Variants in CDK8 observed in about 807,000 individuals in gnomAD.
CDK8 encodes the protein cyclin dependent kinase 8, also known as cyclin-dependent kinase 8.
A neutral mutation model predicts 71.5 loss-of-function variants in CDK8; 29 were observed. The ratio of observed to expected loss-of-function variants is 0.41; its 90% CI spans 0.30 to 0.55. The LOEUF is 0.55. Among genes scored for constraint, CDK8 ranks in the 20% least tolerant of loss-of-function variants. CDK8 has a pLI of 0.37. For synonymous variants in CDK8, 161 were observed against 192.1 expected (o/e 0.84, Z 1.34); for missense variants, 288 against 572.6 (o/e 0.50, Z 5.07).
intron 1 of CDK8, among the ~76,000 whole-genome samples, chr13:26,295,675 G>T (rs1873523798): frequency 6.6e-6 from 1 of 152,142 alleles, no homozygotes; most frequent in Admixed American, 6.5e-5. Context: ...ATCTTTCTGG[G>T]CAGGAGTTCC....
chr13:26,327,041 T>C lies in CDK8; in HGVS notation c.129-10526T>C, dbSNP rs118071231. 2.9e-4 allele frequency among the ~76,000 whole-genome samples: 44 copies of C among 152,298 alleles called. No individual in the cohort carries two copies. The East Asian group carries it at 5.8e-3, about 20-fold the overall frequency. On this transcript the variant is annotated intron_variant, in intron 1 of 12. Coordinates refer to ENST00000381527, the MANE Select transcript of CDK8 (RefSeq NM_001260.3). The stretch of plus-strand genomic sequence containing the variant: ...TTAGTTTCTATCATCAAGTGTACCT[T>C]GATTGTCCATGATTAATAAGGATAC...
rs551569316 is a variant in CDK8, at chr13:26,359,425, A to T, written c.456+5545A>T. 1.9e-5 allele frequency: 3 copies of T among 156,666 alleles called. No individual in the cohort carries two copies. The Admixed American group carries it at 2.0e-4, about 10-fold the overall frequency. The allele number at this position is 156,666 out of a possible 1,614,324, so 9.7% of individuals were successfully genotyped here. Reference sequence around the variant, plus strand: ...GTTTAAGTGATTCATAATAAGGAAAAGTTTGAAGTCTGCTAGCCTGATTGG... The same window carrying T: ...GTTTAAGTGATTCATAATAAGGAAATGTTTGAAGTCTGCTAGCCTGATTGG... On this transcript the variant is annotated intron_variant, in intron 4 of 12. Transcript: ENST00000381527.
At chr13:26,372,002 A>C (rs776638425) in intron 4 of CDK8, among the ~76,000 whole-genome samples, 26 of 152,300 alleles carry the variant, frequency 1.7e-4, no homozygotes, top group Admixed American at 1.1e-3. Flanking sequence ...CATGTAATTT[A>C]ATAGGTTACG....
At chr13:26,290,802 A>AAAAC (rs140228827) in intron 1 of CDK8, among the ~76,000 whole-genome samples, 4 of 152,038 alleles carry the variant, frequency 2.6e-5, no homozygotes, top group African/African-American at 4.8e-5. Context: ...TGGTTTGCAA[A>AAAAC]AAACAAACAA....
chr13:26,268,197 A>G (rs1283550497), intron 1 of CDK8, among the ~76,000 whole-genome samples: 1 of 151,824 alleles, frequency 6.6e-6, no homozygotes, highest in Admixed American at 6.6e-5. Context: ...GGGGTTAAAT[A>G]CATTGTAAAG....
intron 4 of CDK8, among the ~76,000 whole-genome samples, chr13:26,363,913 G>A (rs1319243497): frequency 6.6e-6 from 1 of 152,062 alleles, no homozygotes; most frequent in African/African-American, 2.4e-5. Context: ...AATTATTAAG[G>A]CATTTTGGGT....
rs148455291 is a variant in CDK8 at position 26,400,267 on chromosome 13, G to A, written c.934-186G>A. 2.8e-3 allele frequency: 1,539 copies of A among 546,174 alleles called. 5 individuals carry two copies. The highest frequency in any genetic ancestry group is 4.2e-3 in the Non-Finnish European group (1,286 of 308,008). 33.8% of individuals were successfully genotyped at this position (546,174 alleles called of 1,614,324 possible). A position where few individuals can be genotyped will look rare whatever the true frequency, so the allele number is the denominator to read the frequency against. On this transcript the variant is annotated intron_variant, in intron 9 of 12. Transcript: ENST00000381527. ...GTAAAACAAGTGAGATTATGAAACT[G>A]GAATGACTAAAGTGTGAATTACTAC...
At chr13:26,393,315 C>CT in intron 6 of CDK8, 52 bp from the exon 7 acceptor site, 3 of 1,227,056 alleles carry the variant, frequency 2.4e-6, no homozygotes, top group Non-Finnish European at 3.4e-6. Flanking sequence ...CTTTCTTTTT[C>CT]TTTTTTCCTT....
chr13:26,299,920 T>A (rs1056667655), intron 1 of CDK8, among the ~76,000 whole-genome samples: 1 of 152,196 alleles, frequency 6.6e-6, no homozygotes, highest in Non-Finnish European at 1.5e-5. Flanking sequence ...ACTAATTTTT[T>A]AAAACAATTC....
At chr13:26,261,170 C>T (rs1428279783) in intron 1 of CDK8, among the ~76,000 whole-genome samples, 5 of 152,130 alleles carry the variant, frequency 3.3e-5, no homozygotes, top group African/African-American at 1.2e-4. Flanking sequence ...TATCATGATT[C>T]TGAATATTCT....
At chr13:26,362,970 ATATAC>A (rs1168676417) in intron 4 of CDK8, among the ~76,000 whole-genome samples, 2 of 149,016 alleles carry the variant, frequency 1.3e-5, no homozygotes, top group African/African-American at 2.5e-5. Flanking sequence ...GTTGAGTGAG[ATATAC>A]TATAACTTTT....
Position 26,349,130 on chromosome 13 carries a change from A to T in CDK8, c.263A>T (p.His88Leu), listed in dbSNP as rs758981665. ...VISLQKVFLS[H>L]ADRKVWLLFD... ...TCTCTTCAAAAGGTGTTTCTGTCTC[A>T]TGCTGATAGGAAGGTGTGGCTTCTG... Residue 88 changes from histidine to leucine, a missense_variant, in exon 3 of 13, where the codon CAT (histidine) becomes CTT (leucine). By Grantham distance (99) the His-to-Leu change is moderately conservative. This residue lies in a region of CDK8 where 95 missense variants were observed against 177.3 expected (regional missense o/e 0.54). Transcript: ENST00000381527. 6.2e-7 allele frequency: 1 copy of T among 1,613,658 alleles called. No homozygotes were observed. Among genetic ancestry groups the T allele is most frequent in the South Asian group, 1.1e-5 (1 of 91,020 alleles).
chr13:26,403,390 A>G (rs536594926), intron 12 of CDK8, among the ~76,000 whole-genome samples: 26 of 152,116 alleles, frequency 1.7e-4, no homozygotes, highest in Non-Finnish European at 1.9e-4. Context: ...GTGCATGCCT[A>G]TAATCCTAGC....
chr13:26,298,717 A>G (rs1873679117), intron 1 of CDK8, among the ~76,000 whole-genome samples: 2 of 152,086 alleles, frequency 1.3e-5, no homozygotes, highest in Non-Finnish European at 2.9e-5. Context: ...TGAGGTCTCT[A>G]CTCCTGTCTG....
At position 26,337,664 on chromosome 13, in the gene CDK8, A is replaced by G. The variant is rs528108046; in HGVS notation, c.204+22A>G. 2.9e-5 allele frequency: 34 copies of G among 1,192,116 alleles called. 2 individuals are homozygous for G. The South Asian group carries it at 6.7e-4, about 24-fold the overall frequency. 73.8% of individuals were successfully genotyped at this position (1,192,116 alleles called of 1,614,324 possible). A position where few individuals can be genotyped will look rare whatever the true frequency, so the allele number is the denominator to read the frequency against. On this transcript the variant is annotated intron_variant, in intron 2 of 12. Coordinates refer to ENST00000381527, the MANE Select transcript of CDK8 (RefSeq NM_001260.3). ...AGCAGTAAGTGAAGTTCTTTTTATCATCGTTATTATCAACTGACTTATGAG... is the reference window on the plus strand; with the variant it reads ...AGCAGTAAGTGAAGTTCTTTTTATCGTCGTTATTATCAACTGACTTATGAG...
At chr13:26,330,132 A>G (rs1325410363) in intron 1 of CDK8, among the ~76,000 whole-genome samples, 1 of 152,192 alleles carries the variant, frequency 6.6e-6, no homozygotes, top group African/African-American at 2.4e-5. Context: ...GGAATTCTGG[A>G]TGTCTATCAT....
chr13:26,373,510 G>T (rs1193405032), intron 4 of CDK8, among the ~76,000 whole-genome samples: 1 of 152,038 alleles, frequency 6.6e-6, no homozygotes, highest in African/African-American at 2.4e-5. Context: ...ATATTATAAA[G>T]AATGGTGCAA....
rs749575359 is a variant in CDK8, at chr13:26,393,528, T to C, written c.790+18T>C. 1 of 1,610,660 alleles carries C rather than the reference T, an allele frequency of 6.2e-7. No homozygotes were observed. Among genetic ancestry groups the C allele is most frequent in the Non-Finnish European group, 8.5e-7 (1 of 1,178,502 alleles). Reference sequence around the variant, plus strand: ...TCCTGCAGGTACACATTATTCGTTTTTGTTTTTGTTTTTAAATCACTGTTG... The same window carrying C: ...TCCTGCAGGTACACATTATTCGTTTCTGTTTTTGTTTTTAAATCACTGTTG... On this transcript the variant is annotated intron_variant, in intron 7 of 12. Coordinates refer to ENST00000381527, the MANE Select transcript of CDK8 (RefSeq NM_001260.3).
intron 1 of CDK8, among the ~76,000 whole-genome samples, chr13:26,320,132 G>A (rs1013764385): frequency 6.6e-6 from 1 of 152,082 alleles, no homozygotes; most frequent in African/African-American, 2.4e-5. Flanking sequence ...AGATGTAGTG[G>A]CTCATGCTTG....
Sources: allele counts gnomAD v4.1 joint callset (sites outside exome capture counted in the v4.1 genomes callset), GRCh38; gene constraint gnomAD v4.1.1; regional missense constraint gnomAD v4.1.1; transcripts MANE v1.5; gene names NCBI Gene and HGNC (gene_info 2026-07-23, HGNC 2026-07-21).